MAML3: variants seen among roughly 807,000 people sequenced by gnomAD.
MAML3 encodes mastermind-like protein 3.
MAML3 carries 27 observed loss-of-function variants against 101.9 expected under a neutral mutation model. The ratio of observed to expected loss-of-function variants is 0.27; its 90% CI spans 0.20 to 0.37. The LOEUF (loss-of-function observed/expected upper bound fraction) is 0.37. Among genes scored for constraint, MAML3 ranks in the 10% least tolerant of loss-of-function variants. The pLI, the probability that MAML3 is intolerant of heterozygous loss-of-function variation, is 1.00. For synonymous variants in MAML3, 501 were observed against 555.9 expected (o/e 0.90, Z 1.39); for missense variants, 1,316 against 1,444.9 (o/e 0.91, Z 1.45).
rs1299060584 is a variant in MAML3, at chr4:139,890,072, A to G, written c.1364T>C (p.Val455Ala). 6.2e-7 allele frequency: 1 copy of G among 1,611,450 alleles called. No homozygotes were observed. The highest frequency in any genetic ancestry group is 8.5e-7 in the Non-Finnish European group (1 of 1,178,710). The stretch of plus-strand genomic sequence containing the variant: ...AGACATGTCAGAGCTGGGCACAGCC[A>G]CAGGCCCTGACGCTGAACCGGCCAC... ...VTVAGSASGP[V>A]AVPSSDMSPA... The change falls in exon 2 of 5, where the codon GTG becomes GCG. Residue 455 changes from valine (V) to alanine (A), a missense_variant. Coordinates refer to ENST00000509479, the MANE Select transcript of MAML3 (RefSeq NM_018717.5). The surrounding 1 kb of genome is among the most constrained non-coding windows in gnomAD (Gnocchi z 4.1).
chr4:139,830,167 T>C (rs186271996), intron 2 of MAML3, among the ~76,000 whole-genome samples: 1 of 152,330 alleles, frequency 6.6e-6, no homozygotes, highest in African/African-American at 2.4e-5. Context: ...TGAAACTGGA[T>C]GACAGGCAAG....
At chr4:139,963,749 C>T (rs1207911187) in intron 1 of MAML3, among the ~76,000 whole-genome samples, 1 of 152,188 alleles carries the variant, frequency 6.6e-6, no homozygotes, top group Non-Finnish European at 1.5e-5. Context: ...ATTATTTGGA[C>T]TCTATGTTTC....
At chr4:140,119,605 CCCTCCCTTCCTT>C (rs58340523) in intron 1 of MAML3, among the ~76,000 whole-genome samples, 4 of 108,536 alleles carry the variant, frequency 3.7e-5, no homozygotes, top group African/African-American at 1.6e-4. Context: ...CTCCCTCCCT[CCCTCCCTTCCTT>C]CCTCCCTTCC....
At chr4:139,925,433 T>C (rs190031412) in intron 1 of MAML3, among the ~76,000 whole-genome samples, 33 of 152,268 alleles carry the variant, frequency 2.2e-4, no homozygotes, top group Admixed American at 9.8e-4. Context: ...TTTCGTCATG[T>C]TGGCCAGGCT....
At chr4:139,905,466 C>T (rs373326820) in intron 1 of MAML3, among the ~76,000 whole-genome samples, 20 of 118,164 alleles carry the variant, frequency 1.7e-4, no homozygotes, top group African/African-American at 4.5e-4. Context: ...CACTCCAGCC[C>T]GGGCGGCAGA....
In MAML3 at chr4:139,717,088, T is replaced by G. The variant is rs935760762; in HGVS notation, c.*2235A>C. Reference sequence around the variant, plus strand: ...TTTACAGATAGTAGACCCAGTGATATCTGCAGTATTGTAAAAACTTATGTA... The same window carrying G: ...TTTACAGATAGTAGACCCAGTGATAGCTGCAGTATTGTAAAAACTTATGTA... On this transcript the variant is annotated 3_prime_UTR_variant, in exon 5 of 5. Transcript: ENST00000509479. 4 of 152,516 alleles carry G rather than the reference T, an allele frequency of 2.6e-5. No homozygotes were observed. The highest frequency in any genetic ancestry group is 1.5e-5 in the Non-Finnish European group (1 of 68,034). 9.4% of individuals were successfully genotyped at this position (152,516 alleles called of 1,614,324 possible). A position where few individuals can be genotyped will look rare whatever the true frequency, so the allele number is the denominator to read the frequency against.
At chr4:140,042,389 CT>C (rs1223686885) in intron 1 of MAML3, among the ~76,000 whole-genome samples, 4 of 152,168 alleles carry the variant, frequency 2.6e-5, no homozygotes, top group Non-Finnish European at 4.4e-5. Flanking sequence ...AATCCCAGCA[CT>C]TTGGGAGGCC....
chr4:140,046,059 T>C (rs984040390), intron 1 of MAML3, among the ~76,000 whole-genome samples: 2 of 152,114 alleles, frequency 1.3e-5, no homozygotes, highest in Non-Finnish European at 2.9e-5. Flanking sequence ...TAATAAAACA[T>C]GGGAGTTATT....
At position 139,900,053 on chromosome 4, in the gene MAML3, C is replaced by T. The variant is rs958733916; in HGVS notation, c.469-9086G>A. Among the ~76,000 whole-genome samples, 33 of 83,568 alleles carry T rather than the reference C, an allele frequency of 3.9e-4. No individual in the cohort carries two copies. In the Middle Eastern group the frequency reaches 0.017, roughly 44 times the overall value. 54.8% of individuals were successfully genotyped at this position (83,568 alleles called of 152,430 possible). A position where few individuals can be genotyped will look rare whatever the true frequency, so the allele number is the denominator to read the frequency against. On this transcript the variant is annotated intron_variant, in intron 1 of 4. Transcript: ENST00000509479. ...GAGTCCCAAGGGACTACGGGGGCAC[C>T]GCGGAGCCCCCAGCCCAGGGGACAG...
chr4:139,880,444 G>A (rs1716959252), intron 2 of MAML3, among the ~76,000 whole-genome samples: 1 of 152,050 alleles, frequency 6.6e-6, no homozygotes, highest in South Asian at 2.1e-4. Flanking sequence ...AGTGAGGAGT[G>A]TTCTGTCCAT....
chr4:140,153,813 C>A lies in MAML3; in HGVS notation c.-486G>T. The stretch of plus-strand genomic sequence containing the variant: ...GGACACGCGCGACACACACTCACTC[C>A]ACACCGCATCGGAAAACGGCAAGCT... On this transcript the variant is annotated 5_prime_UTR_variant, in exon 1 of 5. The change creates a premature stop within an existing upstream ORF in the 5' untranslated region. Coordinates refer to ENST00000509479, the MANE Select transcript of MAML3 (RefSeq NM_018717.5). The A allele has an allele frequency of 6.8e-6, 1 of 148,056 alleles. No individual in the cohort carries two copies. Among genetic ancestry groups the A allele is most frequent in the Non-Finnish European group, 1.5e-5 (1 of 66,720 alleles). The allele number at this position is 148,056 out of a possible 1,614,324, so 9.2% of individuals were successfully genotyped here.
At chr4:139,779,825 C>T (rs989915599) in intron 2 of MAML3, among the ~76,000 whole-genome samples, 1 of 152,216 alleles carries the variant, frequency 6.6e-6, no homozygotes, top group Non-Finnish European at 1.5e-5. Flanking sequence ...CTATGGAGGC[C>T]CTTTCTCCAC....
intron 2 of MAML3, among the ~76,000 whole-genome samples, chr4:139,882,800 G>C (rs940913461): frequency 1.3e-5 from 2 of 152,188 alleles, no homozygotes; most frequent in Non-Finnish European, 2.9e-5. Flanking sequence ...AGTGAGCCAA[G>C]ATCGAGCCAC....
At chr4:140,122,649 G>A (rs1014939605) in intron 1 of MAML3, among the ~76,000 whole-genome samples, 6 of 151,682 alleles carry the variant, frequency 4.0e-5, no homozygotes, top group Non-Finnish European at 5.9e-5. Flanking sequence ...AAAATTAGCC[G>A]GGCGTAGTGG....
chr4:139,866,694 T>C (rs1731905385), intron 2 of MAML3, among the ~76,000 whole-genome samples: 1 of 152,042 alleles, frequency 6.6e-6, no homozygotes, highest in Admixed American at 6.6e-5. Flanking sequence ...GTTTCAGACA[T>C]AGAGGGAGAG....
chr4:140,014,269 G>C (rs1202936179), intron 1 of MAML3, among the ~76,000 whole-genome samples: 1 of 152,086 alleles, frequency 6.6e-6, no homozygotes, highest in Non-Finnish European at 1.5e-5. Context: ...CCAGAGAGTA[G>C]AGAAATTAAA....
chr4:140,009,316 CTG>C (rs1726510621), intron 1 of MAML3, among the ~76,000 whole-genome samples: 1 of 152,152 alleles, frequency 6.6e-6, no homozygotes, highest in South Asian at 2.1e-4. Context: ...GGAAGTGTCT[CTG>C]TTTTTTGTTT....
Position 139,994,770 on chromosome 4 carries a change from G to T in MAML3, c.469-103803C>A, listed in dbSNP as rs145189962. Reference sequence around the variant, plus strand: ...CTTATTAGTTTTAATTGGTGGTGGTGGTGGTGCTGGTGGGGGGTGTGTGTG... The same window carrying T: ...CTTATTAGTTTTAATTGGTGGTGGTTGTGGTGCTGGTGGGGGGTGTGTGTG... On this transcript the variant is annotated intron_variant, in intron 1 of 4. Coordinates refer to ENST00000509479, the MANE Select transcript of MAML3 (RefSeq NM_018717.5). 5.8e-4 allele frequency among the ~76,000 whole-genome samples: 84 copies of T among 145,752 alleles called. 1 individual carries two copies. The East Asian group carries it at 0.015, about 25-fold the overall frequency.
chr4:140,092,088 G>GTATATATATACGTA (rs1728064899), intron 1 of MAML3, among the ~76,000 whole-genome samples: 3 of 76,086 alleles, frequency 3.9e-5, no homozygotes, highest in Non-Finnish European at 6.0e-5. Context: ...ATATATATAC[G>GTATATATATACGTA]TATATATATA....
Sources: allele counts gnomAD v4.1 joint callset (sites outside exome capture counted in the v4.1 genomes callset), GRCh38; gene constraint gnomAD v4.1.1; non-coding constraint Gnocchi (gnomAD v3.1); transcripts MANE v1.5; gene names NCBI Gene and HGNC (gene_info 2026-07-23, HGNC 2026-07-21).